The following EPHA6 variants were observed in gnomAD, a reference collection of about 807,000 sequenced individuals.
EPHA6 encodes ephrin type-A receptor 6.
Under a neutral mutation model 112.0 loss-of-function variants are expected in EPHA6, and 50 were observed. The observed-to-expected ratio is 0.45, with a 90% CI of 0.36 to 0.56. EPHA6 has a LOEUF of 0.56. Ranked by LOEUF, EPHA6 falls within the 20% of genes least tolerant of loss-of-function variation. The pLI is 0.00. For synonymous variants in EPHA6, 529 were observed against 490.7 expected (o/e 1.08, Z -1.03); for missense variants, 1,280 against 1,417.4 (o/e 0.90, Z 1.56).
intron 14 of EPHA6, among the ~76,000 whole-genome samples, chr3:97,665,493 A>T (rs945816485): frequency 7.2e-5 from 11 of 152,210 alleles, no homozygotes; most frequent in Admixed American, 2.6e-4. Context: ...CATGCTTGTC[A>T]CTAAAAGTTC....
At chr3:96,970,320 T>G (rs1454596285) in intron 2 of EPHA6, among the ~76,000 whole-genome samples, 1 of 151,658 alleles carries the variant, frequency 6.6e-6, no homozygotes, top group Non-Finnish European at 1.5e-5. Flanking sequence ...CTCTTAGTTA[T>G]AAACCTGAGT....
At chr3:97,032,413 C>T (rs927944019) in intron 3 of EPHA6, among the ~76,000 whole-genome samples, 2 of 151,758 alleles carry the variant, frequency 1.3e-5, no homozygotes, top group East Asian at 1.9e-4. Flanking sequence ...CAAACCTGCA[C>T]GTTGTGCACA....
chr3:97,282,471 C>A (rs2080318968), intron 5 of EPHA6, among the ~76,000 whole-genome samples: 1 of 152,166 alleles, frequency 6.6e-6, no homozygotes, highest in South Asian at 2.1e-4. Context: ...TTTGACCCAG[C>A]AATCCCGTTA....
At chr3:97,429,352 T>G (rs2107224715) in intron 6 of EPHA6, among the ~76,000 whole-genome samples, 2 of 152,282 alleles carry the variant, frequency 1.3e-5, no homozygotes, top group East Asian at 1.9e-4. Context: ...TATGGAAAAT[T>G]AATCCCCGGT....
At chr3:97,162,563 T>A (rs180942786) in intron 3 of EPHA6, among the ~76,000 whole-genome samples, 26 of 152,268 alleles carry the variant, frequency 1.7e-4, no homozygotes, top group African/African-American at 6.3e-4. Context: ...AAAGCCAGTA[T>A]CCAGTAGTCC....
At position 96,937,188 on chromosome 3, in the gene EPHA6, G is replaced by A. The variant is rs527300977; in HGVS notation, c.451-50142G>A. Reference sequence around the variant, plus strand: ...TAGATCCCTGAGGAATCGCCACACTGACTTCCACAATGGTTGAACTAGTTT... The same window carrying A: ...TAGATCCCTGAGGAATCGCCACACTAACTTCCACAATGGTTGAACTAGTTT... On this transcript the variant is annotated intron_variant, in intron 2 of 17. Coordinates refer to ENST00000389672, the MANE Select transcript of EPHA6 (RefSeq NM_001080448.3). Among the ~76,000 whole-genome samples, 11 of 152,294 alleles carry A rather than the reference G, an allele frequency of 7.2e-5. No homozygotes were observed. The South Asian group carries it at 2.3e-3, about 32-fold the overall frequency.
chr3:97,711,100 G>A (rs1196432820), intron 14 of EPHA6, among the ~76,000 whole-genome samples: 6 of 152,128 alleles, frequency 3.9e-5, no homozygotes, highest in African/African-American at 9.7e-5. Context: ...TGGTTGAATC[G>A]TGGGAGTAAG....
At chr3:97,362,728 T>A (rs1390177013) in intron 5 of EPHA6, among the ~76,000 whole-genome samples, 1 of 152,026 alleles carries the variant, frequency 6.6e-6, no homozygotes, top group Non-Finnish European at 1.5e-5. Context: ...ACACATTAAT[T>A]AACTTGAAGG....
intron 4 of EPHA6, among the ~76,000 whole-genome samples, chr3:97,241,022 A>G (rs2078830498): frequency 6.6e-6 from 1 of 151,804 alleles, no homozygotes; most frequent in Admixed American, 6.6e-5. Context: ...CTCCGAGAGG[A>G]AGATTGGGAC....
At chr3:97,546,964 G>A (rs530493104) in intron 11 of EPHA6, among the ~76,000 whole-genome samples, 52 of 152,168 alleles carry the variant, frequency 3.4e-4, no homozygotes, top group Admixed American at 1.8e-3. Context: ...TTATCCATTC[G>A]TCTACTTTTT....
intron 13 of EPHA6, among the ~76,000 whole-genome samples, chr3:97,636,156 T>C (rs565551331): frequency 1.8e-4 from 28 of 152,224 alleles, no homozygotes; most frequent in Admixed American, 1.7e-3. Context: ...AGGTGCCCCA[T>C]TAACATTCAC....
rs144176475 is a variant in EPHA6, at chr3:97,498,516, T to C, written c.2200+14457T>C. Among the ~76,000 whole-genome samples the C allele has an allele frequency of 6.5e-3, 995 of 152,250 alleles. 12 individuals are homozygous for C. The highest frequency in any genetic ancestry group is 0.022 in the African/African-American group (915 of 41,542). On this transcript the variant is annotated intron_variant, in intron 10 of 17. Coordinates refer to ENST00000389672, the MANE Select transcript of EPHA6 (RefSeq NM_001080448.3). ...AGGGGTAGGGAAGAGAGTTAAATTTTATTTTTAAAACAGTAAATTTGAAAG... is the reference window on the plus strand; with the variant it reads ...AGGGGTAGGGAAGAGAGTTAAATTTCATTTTTAAAACAGTAAATTTGAAAG...
intron 1 of EPHA6, among the ~76,000 whole-genome samples, chr3:96,861,765 A>C (rs1035063986): frequency 3.9e-5 from 6 of 152,004 alleles, no homozygotes; most frequent in African/African-American, 1.4e-4. Context: ...AAATGCTGTA[A>C]GTACACCTAC....
intron 11 of EPHA6, among the ~76,000 whole-genome samples, chr3:97,559,132 AC>A (rs1388208130): frequency 1.3e-5 from 2 of 152,048 alleles, no homozygotes; most frequent in Non-Finnish European, 2.9e-5. Flanking sequence ...GACAAAAGGA[AC>A]TTTTCCAAAA....
At chr3:97,233,670 A>C (rs999220404) in intron 4 of EPHA6, among the ~76,000 whole-genome samples, 1 of 152,164 alleles carries the variant, frequency 6.6e-6, no homozygotes, top group Admixed American at 6.6e-5. Flanking sequence ...TCCCATTACT[A>C]TCTGGTGTCT....
chr3:97,435,365 T>C (rs2089768781), intron 6 of EPHA6, among the ~76,000 whole-genome samples: 2 of 152,220 alleles, frequency 1.3e-5, no homozygotes, highest in African/African-American at 4.8e-5. Context: ...TTAGTAGTTG[T>C]ATTTGTATCT....
chr3:96,982,322 C>T (rs1022862068), intron 2 of EPHA6, among the ~76,000 whole-genome samples: 3 of 152,196 alleles, frequency 2.0e-5, no homozygotes, highest in African/African-American at 7.2e-5. Context: ...ACTCAGTAGT[C>T]ATTCAGGAGC....
chr3:97,597,638 C>G (rs1446404072), intron 12 of EPHA6, among the ~76,000 whole-genome samples: 2 of 152,170 alleles, frequency 1.3e-5, no homozygotes, highest in Non-Finnish European at 2.9e-5. Flanking sequence ...CAGTCCTCAG[C>G]CAACATTAAA....
At chr3:97,058,398 A>G (rs926407359) in intron 3 of EPHA6, among the ~76,000 whole-genome samples, 1 of 152,066 alleles carries the variant, frequency 6.6e-6, no homozygotes, top group Non-Finnish European at 1.5e-5. Flanking sequence ...CCCAGGTTCA[A>G]GAGATTCTCC....
Sources: allele counts gnomAD v4.1 joint callset (sites outside exome capture counted in the v4.1 genomes callset), GRCh38; gene constraint gnomAD v4.1.1; transcripts MANE v1.5; gene names NCBI Gene and HGNC (gene_info 2026-07-23, HGNC 2026-07-21).